KALRN: variants seen among roughly 807,000 people sequenced by gnomAD.
The protein encoded by KALRN is kalirin RhoGEF kinase, also known as kalirin.
Under a neutral mutation model 353.7 loss-of-function variants are expected in KALRN, and 70 were observed. The ratio of observed to expected loss-of-function variants is 0.20; its 90% CI spans 0.16 to 0.24. The LOEUF (loss-of-function observed/expected upper bound fraction) is 0.24, where lower values mean the gene tolerates loss of function less well. Among genes scored for constraint, KALRN ranks in the 10% least tolerant of loss-of-function variants. The pLI, the probability that KALRN is intolerant of heterozygous loss-of-function variation, is 1.00. For missense variants in KALRN, 2,791 were observed against 3,756.7 expected (o/e 0.74, Z 6.72); for synonymous variants, 1,391 against 1,434.8 (o/e 0.97, Z 0.69).
At chr3:124,651,637 C>CTTT (rs66520052) in intron 38 of KALRN, among the ~76,000 whole-genome samples, 7 of 130,474 alleles carry the variant, frequency 5.4e-5, no homozygotes, top group African/African-American at 2.0e-4. Flanking sequence ...TCTTTTCTAT[C>CTTT]TTTTTTTTTT....
intron 11 of KALRN, among the ~76,000 whole-genome samples, chr3:124,387,488 C>A (rs1465826464): frequency 6.6e-6 from 1 of 152,110 alleles, no homozygotes; most frequent in Non-Finnish European, 1.5e-5. Flanking sequence ...TAATAATTTG[C>A]CCATGGTTTT....
chr3:124,247,420 A>G (rs1026220100), intron 3 of KALRN, among the ~76,000 whole-genome samples: 62 of 152,118 alleles, frequency 4.1e-4, no homozygotes, highest in Admixed American at 1.8e-3. Flanking sequence ...AATGATAGAT[A>G]AAATAATGTT....
At chr3:124,584,590 T>A in intron 34 of KALRN, 1 of 1,380,318 alleles carries the variant, frequency 7.2e-7, no homozygotes, top group Non-Finnish European at 9.4e-7. Context: ...TGCCCACAGC[T>A]GGACCTTGGA....
At chr3:124,246,133 T>C (rs747587468) in intron 3 of KALRN, among the ~76,000 whole-genome samples, 6 of 152,262 alleles carry the variant, frequency 3.9e-5, no homozygotes, top group Non-Finnish European at 7.3e-5. Flanking sequence ...ATGGTAGTTT[T>C]ATTTTTACTT....
At chr3:124,096,234 G>T (rs578154148) in intron 1 of KALRN, 29 of 152,228 alleles carry the variant, frequency 1.9e-4, no homozygotes, top group African/African-American at 6.3e-4. Context: ...GTAAAAAGGG[G>T]TGATGATGAT....
chr3:124,137,060 A>T (rs1560048576), intron 1 of KALRN, among the ~76,000 whole-genome samples: 1 of 151,794 alleles, frequency 6.6e-6, no homozygotes, highest in Non-Finnish European at 1.5e-5. Flanking sequence ...TGTTTGGGAG[A>T]GGAGGAAGAG....
rs59009780 is a variant in KALRN at position 124,619,482 on chromosome 3, CTTTTT to C, written c.5183-12920_5183-12916del. 5.4e-3 allele frequency among the ~76,000 whole-genome samples: 568 copies of C among 104,634 alleles called. 4 individuals are homozygous for C. The highest frequency in any genetic ancestry group is 0.019 in the African/African-American group (528 of 27,776). The allele number at this position is 104,634 out of a possible 152,430, so 68.6% of individuals were successfully genotyped here. A position where few individuals can be genotyped will look rare whatever the true frequency, so the allele number is the denominator to read the frequency against. ...GTGATAATTCCTTTTTATTTTCCTT[CTTTTT>C]TTTTTTTTTTTTTTTTTGAGATAGA... On this transcript the variant is annotated intron_variant, in intron 34 of 59. Transcript: ENST00000682506.
intron 57 of KALRN, among the ~76,000 whole-genome samples, chr3:124,709,311 T>A (rs567832808): frequency 6.6e-6 from 1 of 152,228 alleles, no homozygotes; most frequent in Non-Finnish European, 1.5e-5. Flanking sequence ...AGAGTCTTGC[T>A]CTTTCACCCA....
At chr3:124,618,300 A>G (rs1056034965) in intron 34 of KALRN, among the ~76,000 whole-genome samples, 1 of 149,086 alleles carries the variant, frequency 6.7e-6, no homozygotes, top group African/African-American at 2.5e-5. Context: ...TATTTTTAGT[A>G]GAGACGGAGT....
At chr3:124,486,880 G>GCT in intron 28 of KALRN, among the ~76,000 whole-genome samples, 1 of 152,292 alleles carries the variant, frequency 6.6e-6, no homozygotes, top group African/African-American at 2.4e-5. Context: ...CTTCCAGAGA[G>GCT]CTATGCCTCT....
chr3:124,662,473 T>A (rs896031520), intron 45 of KALRN, among the ~76,000 whole-genome samples: 1 of 152,182 alleles, frequency 6.6e-6, no homozygotes, highest in African/African-American at 2.4e-5. Flanking sequence ...AGTGACCTCT[T>A]CCTTTCCCTT....
chr3:124,636,147 A>G (rs555282273), intron 36 of KALRN, among the ~76,000 whole-genome samples: 1 of 152,318 alleles, frequency 6.6e-6, no homozygotes, highest in African/African-American at 2.4e-5. Context: ...GCAAAGACTT[A>G]ATAAAGTAAC....
At chr3:124,624,905 AT>A (rs1439901136) in intron 34 of KALRN, among the ~76,000 whole-genome samples, 1 of 152,212 alleles carries the variant, frequency 6.6e-6, no homozygotes, top group African/African-American at 2.4e-5. Context: ...AACTGGTAGT[AT>A]TAGGTTTTTC....
At chr3:124,082,736 C>A (rs1032710044) in intron 1 of KALRN, among the ~76,000 whole-genome samples, 3 of 152,168 alleles carry the variant, frequency 2.0e-5, no homozygotes, top group African/African-American at 7.2e-5. Flanking sequence ...AGTATGCAGA[C>A]AACATGAACG....
intron 16 of KALRN, among the ~76,000 whole-genome samples, chr3:124,432,754 A>G (rs931179066): frequency 2.6e-5 from 4 of 152,216 alleles, no homozygotes; most frequent in African/African-American, 7.2e-5. Context: ...ACACCATTTC[A>G]TCTTTACAGA....
chr3:124,588,429 C>G (rs879459061), intron 34 of KALRN, among the ~76,000 whole-genome samples: 1 of 151,996 alleles, frequency 6.6e-6, no homozygotes, highest in African/African-American at 2.4e-5. Context: ...GTTTTAGAGA[C>G]TTAATTTTGT....
intron 21 of KALRN, among the ~76,000 whole-genome samples, chr3:124,454,554 G>A (rs1325257117): frequency 2.6e-5 from 4 of 152,138 alleles, no homozygotes; most frequent in African/African-American, 9.7e-5. Context: ...GTCTTCCACT[G>A]TACTAAGCAT....
intron 21 of KALRN, among the ~76,000 whole-genome samples, chr3:124,449,708 C>G (rs1667518178): frequency 6.6e-6 from 1 of 152,212 alleles, no homozygotes; most frequent in African/African-American, 2.4e-5. Flanking sequence ...GCATTCCCTA[C>G]TCTCCTCAAC....
rs1561137642 is a variant in KALRN, at chr3:124,496,006, TATATATAC to T, written c.4833-303_4833-296del. Among the ~76,000 whole-genome samples the T allele has an allele frequency of 3.3e-4, 18 of 54,970 alleles. 2 individuals carry two copies. Among genetic ancestry groups the T allele is most frequent in the Admixed American group, 4.5e-4 (2 of 4,456 alleles). 36.1% of individuals were successfully genotyped at this position (54,970 alleles called of 152,430 possible). On this transcript the variant is annotated intron_variant, in intron 32 of 59. Transcript: ENST00000682506. The stretch of plus-strand genomic sequence containing the variant: ...ATATATATATATATATATATATATA[TATATATAC>T]ACACACATATATACATACATACACC...
Sources: gnomAD v4.1 joint callset for allele counts (sites outside exome capture counted in the v4.1 genomes callset) on GRCh38, gnomAD v4.1.1 for gene constraint, MANE v1.5 for transcripts, NCBI Gene and HGNC (gene_info 2026-07-23, HGNC 2026-07-21) for gene names.